Variants in ARHGAP25 observed in about 807,000 individuals in gnomAD.
ARHGAP25 encodes the protein Rho GTPase activating protein 25.
ARHGAP25 carries 34 observed loss-of-function variants against 71.0 expected under a neutral mutation model. The observed-to-expected ratio is 0.48, with a 90% CI of 0.36 to 0.64. The LOEUF (loss-of-function observed/expected upper bound fraction) is 0.64, where lower values mean the gene tolerates loss of function less well. Ranked by LOEUF, ARHGAP25 falls within the 30% of genes least tolerant of loss-of-function variation. The pLI is 0.00. For synonymous variants in ARHGAP25, 282 were observed against 296.5 expected (o/e 0.95, Z 0.50); for missense variants, 706 against 805.1 (o/e 0.88, Z 1.49).
chr2:68,807,244 C>T (rs201490081), intron 4 of ARHGAP25, 29 bp from the exon 5 acceptor site: 48 of 1,609,298 alleles, frequency 3.0e-5, no homozygotes, highest in African/African-American at 2.3e-4. Context: ...CACAGAATGA[C>T]GGGCAGGTTC....
chr2:68,819,359 C>T (rs1558663710), intron 9 of ARHGAP25, 40 bp downstream of exon 9: 1 of 1,606,346 alleles, frequency 6.2e-7, no homozygotes, highest in East Asian at 2.2e-5. Context: ...TTGGGTTCTT[C>T]CTTTAGTCCA....
chr2:68,739,668 G>A (rs536055200), intron 1 of ARHGAP25, among the ~76,000 whole-genome samples: 3 of 152,284 alleles, frequency 2.0e-5, no homozygotes, highest in South Asian at 2.1e-4. Context: ...CCCACTGGTG[G>A]CCACAGCAAT....
At chr2:68,778,719 T>C (rs898229109) in intron 2 of ARHGAP25, among the ~76,000 whole-genome samples, 2 of 152,186 alleles carry the variant, frequency 1.3e-5, no homozygotes, top group African/African-American at 4.8e-5. Context: ...TAATTCTGGG[T>C]CTACGAAGTT....
At chr2:68,802,863 C>G (rs1045453532) in intron 4 of ARHGAP25, among the ~76,000 whole-genome samples, 1 of 151,746 alleles carries the variant, frequency 6.6e-6, no homozygotes, top group African/African-American at 2.4e-5. Context: ...GGGGATTATT[C>G]TTTCATAAAT....
At position 68,825,979 on chromosome 2, in the gene ARHGAP25, C is replaced by T. The variant is rs201400190; in HGVS notation, c.1734-8C>T. The stretch of plus-strand genomic sequence containing the variant: ...CATTCTTTCATTCTTTTCTTTCCTT[C>T]CTTGTAGCCTTGAGAAGGAAAATTA... On this transcript the variant is annotated splice_polypyrimidine_tract_variant and splice_region_variant and intron_variant, in intron 10 of 10. Coordinates refer to ENST00000409202, the MANE Select transcript of ARHGAP25 (RefSeq NM_001007231.3). The T allele has an allele frequency of 6.9e-6, 11 of 1,605,804 alleles. No homozygotes were observed. In the South Asian group the frequency reaches 9.9e-5, roughly 14 times the overall value.
chr2:68,788,084 C>A, intron 4 of ARHGAP25, 128 bp downstream of exon 4: 1 of 733,964 alleles, frequency 1.4e-6, no homozygotes, highest in Non-Finnish European at 2.3e-6. Flanking sequence ...CTCTGCATGC[C>A]CATGGCCAAG....
At chr2:68,711,481 T>C (rs67906243) in intron 2 of ARHGAP25, among the ~76,000 whole-genome samples, 40,627 of 152,104 alleles carry the variant, frequency 0.27, 5,893 homozygotes, top group East Asian at 0.48. Flanking sequence ...ATAGCTACTC[T>C]CACCTCCATT....
At chr2:68,820,630 C>T (rs2103711085) in intron 9 of ARHGAP25, among the ~76,000 whole-genome samples, 1 of 152,220 alleles carries the variant, frequency 6.6e-6, no homozygotes, top group South Asian at 2.1e-4. Context: ...TCTCCTTTTT[C>T]TTTATAATTT....
chr2:68,806,812 G>A (rs1013913857), intron 4 of ARHGAP25, among the ~76,000 whole-genome samples: 3 of 152,164 alleles, frequency 2.0e-5, no homozygotes. Flanking sequence ...ACTCAAAACG[G>A]CCTGCTTGCT....
At chr2:68,774,082 T>C (rs1677665815) in intron 1 of ARHGAP25, among the ~76,000 whole-genome samples, 1 of 151,882 alleles carries the variant, frequency 6.6e-6, no homozygotes, top group African/African-American at 2.4e-5. Flanking sequence ...TCATGAGTGG[T>C]CCAGGGATGG....
intron 1 of ARHGAP25, among the ~76,000 whole-genome samples, chr2:68,769,920 A>C (rs957289608): frequency 5.3e-5 from 8 of 152,238 alleles, no homozygotes; most frequent in Admixed American, 3.9e-4. Flanking sequence ...CTCCAACTCC[A>C]TGGCAGTTTA....
At chr2:68,711,793 T>C (rs1674489174) in intron 2 of ARHGAP25, among the ~76,000 whole-genome samples, 1 of 152,052 alleles carries the variant, frequency 6.6e-6, no homozygotes, top group African/African-American at 2.4e-5. Flanking sequence ...ACTGTGTTAG[T>C]TTGCTTAGAA....
At chr2:68,753,404 A>T (rs1676296746) in intron 1 of ARHGAP25, among the ~76,000 whole-genome samples, 1 of 152,080 alleles carries the variant, frequency 6.6e-6, no homozygotes, top group Non-Finnish European at 1.5e-5. Flanking sequence ...TTGTATTAAA[A>T]CCCAGTACTA....
chr2:68,721,858 C>T lies in ARHGAP25; in HGVS notation c.-18+11160C>T, dbSNP rs935680958. On this transcript the variant is annotated intron_variant and NMD_transcript_variant, in intron 2 of 7. Transcript: ENST00000463483. ...GGATCCCTTGCTCTTCTCTAGGTGT[C>T]GAGATTATAACTCTCTCCTTTCCTA... Among the ~76,000 whole-genome samples, 6 of 152,202 alleles carry T rather than the reference C, an allele frequency of 3.9e-5. No homozygotes were observed. In the South Asian group the frequency reaches 6.2e-4, roughly 16 times the overall value.
chr2:68,769,509 T>G (rs1677344030), intron 1 of ARHGAP25, among the ~76,000 whole-genome samples: 2 of 152,126 alleles, frequency 1.3e-5, no homozygotes, highest in South Asian at 4.1e-4. Flanking sequence ...CTTCCTTCTC[T>G]CTGTTAGGCA....
intron 1 of ARHGAP25, 137 bp downstream of exon 1, chr2:68,735,397 T>C: frequency 1.1e-6 from 1 of 909,364 alleles, no homozygotes; most frequent in Middle Eastern, 2.3e-4. Flanking sequence ...CCATTTGCAT[T>C]TAAGTTGGCA....
intron 9 of ARHGAP25, among the ~76,000 whole-genome samples, chr2:68,820,526 C>T (rs569313661): frequency 1.1e-4 from 16 of 152,184 alleles, no homozygotes; most frequent in Non-Finnish European, 2.1e-4. Context: ...AGGGAGGGCT[C>T]GAACCTGATT....
chr2:68,782,430 C>T, intron 3 of ARHGAP25, 110 bp downstream of exon 3: 1 of 933,274 alleles, frequency 1.1e-6, no homozygotes, highest in South Asian at 1.5e-5. Flanking sequence ...ACTAACTAAC[C>T]AACCAGCCTA....
At position 68,716,660 on chromosome 2, in the gene ARHGAP25, A is replaced by G. The variant is rs368032806; in HGVS notation, c.-18+5962A>G. Reference sequence around the variant, plus strand: ...TCCAGCACAAGCAGATTGAGAATGTATATACATCGTTTTATTCAAACCTTC... The same window carrying G: ...TCCAGCACAAGCAGATTGAGAATGTGTATACATCGTTTTATTCAAACCTTC... On this transcript the variant is annotated intron_variant and NMD_transcript_variant, in intron 2 of 7. Coordinates refer to the ARHGAP25 transcript ENST00000463483. Among the ~76,000 whole-genome samples, 9 of 152,376 alleles carry G rather than the reference A, an allele frequency of 5.9e-5. No homozygotes were observed. The South Asian group carries it at 1.9e-3, about 32-fold the overall frequency.
Sources: gnomAD v4.1 joint callset for allele counts (sites outside exome capture counted in the v4.1 genomes callset) on GRCh38, gnomAD v4.1.1 for gene constraint, MANE v1.5 for transcripts, NCBI Gene and HGNC (gene_info 2026-07-23, HGNC 2026-07-21) for gene names.